The following MCOLN2 variants were observed in gnomAD, a reference collection of about 807,000 sequenced individuals.
The protein encoded by MCOLN2 is mucolipin-2.
Under a neutral mutation model 67.5 loss-of-function variants are expected in MCOLN2, and 57 were observed. The ratio of observed to expected loss-of-function variants is 0.84; its 90% confidence interval spans 0.68 to 1.05. The LOEUF (loss-of-function observed/expected upper bound fraction) is 1.05, where lower values mean the gene tolerates loss of function less well. Among genes scored for constraint, MCOLN2 ranks in the 50% least tolerant of loss-of-function variants. MCOLN2 has a pLI of 0.00. For synonymous variants in MCOLN2, 246 were observed against 233.3 expected, an observed-to-expected ratio of 1.05 and a Z score of -0.50; for missense variants, 620 against 678.8, an observed-to-expected ratio of 0.91 and a Z score of 0.96.
intron 1 of MCOLN2, among the ~76,000 whole-genome samples, chr1:84,993,851 C>T (rs1202821063): frequency 6.6e-6 from 1 of 151,514 alleles, no homozygotes; most frequent in Non-Finnish European, 1.5e-5. Flanking sequence ...AGGATGGTCT[C>T]GATCTCCTGA....
chr1:84,990,516 T>A (rs1165404393), intron 1 of MCOLN2, among the ~76,000 whole-genome samples: 1 of 152,078 alleles, frequency 6.6e-6, no homozygotes. Flanking sequence ...TATAGAAATG[T>A]TAATTGCGGC....
chr1:84,978,809 TACAC>T (rs918227614), intron 1 of MCOLN2, among the ~76,000 whole-genome samples: 6 of 151,770 alleles, frequency 4.0e-5, no homozygotes, highest in African/African-American at 1.5e-4. Flanking sequence ...AATATATATA[TACAC>T]ACACACACAT....
chr1:84,988,682 G>A (rs1241257973), intron 1 of MCOLN2, among the ~76,000 whole-genome samples: 1 of 151,994 alleles, frequency 6.6e-6, no homozygotes, highest in African/African-American at 2.4e-5. Flanking sequence ...TTCACATAGT[G>A]GCCAGAGGGG....
chr1:84,941,565 T>G (rs1030932), intron 7 of MCOLN2, among the ~76,000 whole-genome samples: 1 of 152,028 alleles, frequency 6.6e-6, no homozygotes, highest in Non-Finnish European at 1.5e-5. Flanking sequence ...CACTCAAATT[T>G]ATATATAAAT....
chr1:84,947,566 A>T (rs1648184062), intron 6 of MCOLN2, among the ~76,000 whole-genome samples: 1 of 152,200 alleles, frequency 6.6e-6, no homozygotes, highest in Non-Finnish European at 1.5e-5. Context: ...GGTGGTCCTC[A>T]TTATGGCCAC....
At chr1:84,950,871 T>C (rs1277894490) in intron 6 of MCOLN2, among the ~76,000 whole-genome samples, 1 of 152,206 alleles carries the variant, frequency 6.6e-6, no homozygotes, top group Non-Finnish European at 1.5e-5. Flanking sequence ...TCAAGATCTC[T>C]GTTTCCCCCA....
intron 1 of MCOLN2, among the ~76,000 whole-genome samples, chr1:84,987,788 C>T (rs67529032): frequency 0.28 from 42,444 of 150,536 alleles, 6,446 homozygotes; most frequent in East Asian, 0.36. Flanking sequence ...GATCTGGAGA[C>T]CATTATTCTA....
intron 1 of MCOLN2, among the ~76,000 whole-genome samples, chr1:84,978,127 CTGAA>C (rs1410828143): frequency 6.6e-6 from 1 of 151,972 alleles, no homozygotes; most frequent in Non-Finnish European, 1.5e-5. Flanking sequence ...TAAAATGCTC[CTGAA>C]TGACCAGTGG....
intron 7 of MCOLN2, among the ~76,000 whole-genome samples, chr1:84,946,464 T>C (rs551974524): frequency 8.2e-4 from 125 of 152,354 alleles, no homozygotes; most frequent in Admixed American, 1.3e-3. Flanking sequence ...AGGCTGAGTA[T>C]GCCCTATCCA....
At chr1:84,938,653 A>G (rs1268992628) in intron 9 of MCOLN2, among the ~76,000 whole-genome samples, 1 of 152,354 alleles carries the variant, frequency 6.6e-6, no homozygotes, top group East Asian at 1.9e-4. Context: ...GGCCTGCAGG[A>G]CAGGCTGGGA....
chr1:84,958,432 A>T, intron 3 of MCOLN2, 97 bp downstream of exon 3: 1 of 971,798 alleles, frequency 1.0e-6, no homozygotes, highest in South Asian at 1.8e-5. Flanking sequence ...TTACATTAGA[A>T]TATTTTAACA....
chr1:84,987,489 CA>C (rs1650609571), intron 1 of MCOLN2, among the ~76,000 whole-genome samples: 4 of 11,534 alleles, frequency 3.5e-4, no homozygotes, highest in Non-Finnish European at 5.5e-4. Context: ...TACATATATA[CA>C]TATGTATACA....
At chr1:84,988,793 A>T (rs1286037589) in intron 1 of MCOLN2, among the ~76,000 whole-genome samples, 1 of 152,108 alleles carries the variant, frequency 6.6e-6, no homozygotes, top group Non-Finnish European at 1.5e-5. Flanking sequence ...ACAACTGCTA[A>T]AAGACTCCTG....
At chr1:84,955,719 G>A (rs1039106628) in intron 4 of MCOLN2, among the ~76,000 whole-genome samples, 3 of 152,150 alleles carry the variant, frequency 2.0e-5, no homozygotes, top group African/African-American at 7.2e-5. Context: ...TGGCTTGGAT[G>A]ACAGTGGTGG....
intron 12 of MCOLN2, chr1:84,929,925 G>GT (rs771724580): frequency 1.5e-3 from 351 of 234,912 alleles, no homozygotes; most frequent in Non-Finnish European, 2.0e-3. Flanking sequence ...CCAGGGAGAG[G>GT]TTTTTTTTAA....
At chr1:84,927,812 G>C (rs191832834) in intron 13 of MCOLN2, among the ~76,000 whole-genome samples, 1 of 152,156 alleles carries the variant, frequency 6.6e-6, no homozygotes, top group Non-Finnish European at 1.5e-5. Context: ...AAGAGGCGGG[G>C]TCTCACTACA....
At chr1:84,994,166 T>C (rs535931557) in intron 1 of MCOLN2, among the ~76,000 whole-genome samples, 1 of 152,346 alleles carries the variant, frequency 6.6e-6, no homozygotes, top group South Asian at 2.1e-4. Flanking sequence ...ACAAGTGTAC[T>C]GTCATCTAGG....
chr1:84,958,488 T>C, intron 3 of MCOLN2, 41 bp downstream of exon 3: 1 of 1,505,924 alleles, frequency 6.6e-7, no homozygotes, highest in Non-Finnish European at 8.9e-7. Flanking sequence ...CAAGTATCAA[T>C]ACATTGTTAA....
At chr1:84,978,591 T>A (rs986624855) in intron 1 of MCOLN2, among the ~76,000 whole-genome samples, 4 of 152,038 alleles carry the variant, frequency 2.6e-5, no homozygotes, top group African/African-American at 9.7e-5. Context: ...TATATACCAA[T>A]AAATTGGAAA....
Sources: gnomAD v4.1 joint callset for allele counts (sites outside exome capture counted in the v4.1 genomes callset) on GRCh38, gnomAD v4.1.1 for gene constraint, MANE v1.5 for transcripts, NCBI Gene and HGNC (gene_info 2026-07-23, HGNC 2026-07-21) for gene names.